BRD1: variants seen among roughly 807,000 people sequenced by gnomAD.
The protein encoded by BRD1 is bromodomain-containing protein 1.
In BRD1, 24 loss-of-function variants were observed where a neutral mutation model predicts 107.7. The observed-to-expected ratio is 0.22, with a 90% CI of 0.16 to 0.31. The LOEUF is 0.31. Among genes scored for constraint, BRD1 ranks in the 10% least tolerant of loss-of-function variants. The pLI, the probability that BRD1 is intolerant of heterozygous loss-of-function variation, is 1.00. For synonymous variants in BRD1, 744 were observed against 686.1 expected, an observed-to-expected ratio of 1.08 and a Z score of -1.32; for missense variants, 1,279 against 1,638.6, an observed-to-expected ratio of 0.78 and a Z score of 3.79.
At chr22:49,818,406 T>C (rs754339337) in intron 2 of BRD1, 14 of 1,117,286 alleles carry the variant, frequency 1.3e-5, no homozygotes, top group Non-Finnish European at 1.6e-5. Context: ...TTAAACAGAT[T>C]ATGCGTGTAT....
chr22:49,800,076 T>C (rs1452909246), intron 3 of BRD1, among the ~76,000 whole-genome samples: 1 of 152,156 alleles, frequency 6.6e-6, no homozygotes, highest in African/African-American at 2.4e-5. Context: ...TTCACAGCCC[T>C]GAGACCCTCC....
At position 49,798,976 on chromosome 22, in the gene BRD1, G is replaced by A; in HGVS notation, c.1656+12C>T. The A allele has an allele frequency of 6.3e-7, 1 of 1,598,868 alleles. No homozygotes were observed. The highest frequency in any genetic ancestry group is 8.5e-7 in the Non-Finnish European group (1 of 1,173,420). On this transcript the variant is annotated intron_variant, in intron 4 of 12. Coordinates refer to ENST00000404760, the MANE Select transcript of BRD1 (RefSeq NM_001304808.3). ...CAGTGGTGCACTCCACGCGGGACAGGCCCAGCCCCACCTGCTCACGCTTGA... is the reference window on the plus strand; with the variant it reads ...CAGTGGTGCACTCCACGCGGGACAGACCCAGCCCCACCTGCTCACGCTTGA...
At chr22:49,826,272 T>C (rs957468811) in intron 1 of BRD1, 1 of 985,110 alleles carries the variant, frequency 1.0e-6, no homozygotes, top group African/African-American at 1.7e-5. Flanking sequence ...ATCGCAACAC[T>C]TTCTACAAGG....
chr22:49,818,973 T>C (rs931898851), intron 2 of BRD1, among the ~76,000 whole-genome samples: 4 of 151,450 alleles, frequency 2.6e-5, no homozygotes, highest in Non-Finnish European at 5.9e-5. Flanking sequence ...AAAGAAAAAA[T>C]AGGGCTGGGT....
At chr22:49,778,230 C>A (rs1392254153) in intron 8 of BRD1, among the ~76,000 whole-genome samples, 12 of 152,116 alleles carry the variant, frequency 7.9e-5, no homozygotes, top group Admixed American at 6.5e-4. Flanking sequence ...TTCACCAGGC[C>A]GAAGGGGCCA....
Position 49,798,081 on chromosome 22 carries a change from C to T in BRD1, c.1822G>A (p.Asp608Asn), listed in dbSNP as rs759063128. The T allele has an allele frequency of 6.2e-7, 1 of 1,613,212 alleles. No individual in the cohort carries two copies. The highest frequency in any genetic ancestry group is 1.7e-5 in the Admixed American group (1 of 59,970). The change falls in exon 6 of 13, where the codon GAC becomes AAC. Residue 608 changes from aspartate to asparagine, a missense_variant. Asp to Asn is a conservative substitution (Grantham distance 23). This residue lies in a region of BRD1 where 406 missense variants were observed against 519.4 expected (regional missense o/e 0.78). Coordinates refer to ENST00000404760, the MANE Select transcript of BRD1 (RefSeq NM_001304808.3). ...AACCGTTTCCTCATTGTGGCAAAGT[C>T]CATGGGATGTTTAATGTGATCCAAA... ...DYLDHIKHPM[D>N]FATMRKRLEA...
At chr22:49,799,351 G>A (rs545847517) in intron 3 of BRD1, among the ~76,000 whole-genome samples, 1 of 152,342 alleles carries the variant, frequency 6.6e-6, no homozygotes, top group Admixed American at 6.5e-5. Flanking sequence ...AGGCCAAGGT[G>A]AGCAGGGGGC....
At chr22:49,787,299 A>ATCCC in intron 8 of BRD1, 91 bp downstream of exon 8, 1 of 544,640 alleles carries the variant, frequency 1.8e-6, no homozygotes, top group Non-Finnish European at 2.9e-6. Flanking sequence ...GAAGCTGGAC[A>ATCCC]CCCCCCCCCC....
chr22:49,785,736 G>C (rs190680975), intron 8 of BRD1, among the ~76,000 whole-genome samples: 61 of 152,338 alleles, frequency 4.0e-4, no homozygotes, highest in Admixed American at 3.3e-3. Context: ...GACATGGGTA[G>C]AAAATTTCTA....
chr22:49,819,895 C>T (rs890236785), intron 2 of BRD1, among the ~76,000 whole-genome samples: 22 of 151,756 alleles, frequency 1.4e-4, no homozygotes, highest in Non-Finnish European at 3.1e-4. Context: ...TTTGGGAGTT[C>T]GAGGCGGGTG....
chr22:49,822,244 G>A (rs2060081498), intron 2 of BRD1, among the ~76,000 whole-genome samples: 1 of 152,190 alleles, frequency 6.6e-6, no homozygotes, highest in African/African-American at 2.4e-5. Flanking sequence ...TGGGCAACAT[G>A]GTGAAACCCC....
Position 49,774,330 on chromosome 22 carries a change from C to T in BRD1, c.3473G>A (p.Ser1158Asn). The T allele has an allele frequency of 6.2e-7, 1 of 1,614,208 alleles. No homozygotes were observed. Among genetic ancestry groups the T allele is most frequent in the Non-Finnish European group, 8.5e-7 (1 of 1,180,028 alleles). ...KLKMMEGRNS[S>N]IRKAVRIAFD... ...AGCGATCCGCACGGCCTTCCGGATG[C>T]TGGAATTCCTCCCTTCCATCATCTT... The change falls in exon 13 of 13, where the codon AGC becomes AAC. Residue 1158 changes from serine (S) to asparagine (N), a missense_variant. Physicochemically the swap from Ser to Asn is conservative, Grantham distance 46. Coordinates refer to ENST00000404760, the MANE Select transcript of BRD1 (RefSeq NM_001304808.3).
rs539688039 is a variant in BRD1, at chr22:49,781,693, A to G, written c.2858-3880T>C. Among the ~76,000 whole-genome samples the G allele has an allele frequency of 7.9e-5, 12 of 152,388 alleles. No individual in the cohort carries two copies. The East Asian group carries it at 2.1e-3, about 27-fold the overall frequency. On this transcript the variant is annotated intron_variant, in intron 8 of 12. Transcript: ENST00000404760. ...TTGGCCGTATGAAGCAGGTGGGCTG[A>G]GCCTGCACCCTGAAGACCAGAGCCC... is the stretch of plus-strand genomic sequence containing the variant.
intron 2 of BRD1, among the ~76,000 whole-genome samples, chr22:49,822,026 G>A (rs1475357613): frequency 2.0e-5 from 3 of 152,268 alleles, no homozygotes; most frequent in African/African-American, 2.4e-5. Flanking sequence ...CCCGATGCCG[G>A]CAGTCACTGG....
Position 49,783,546 on chromosome 22 carries a change from G to A in BRD1, c.2857+3844C>T, listed in dbSNP as rs934739945. On this transcript the variant is annotated intron_variant, in intron 8 of 12. Transcript: ENST00000404760. This position sits in a 1 kb window ranked among gnomAD's most constrained non-coding sequence, Gnocchi z 4.2. ...CCACCAGTCACTATGGGACGGCTCC[G>A]CACATGCTCAGGACAGCCTCAGAAT... 3.9e-5 allele frequency among the ~76,000 whole-genome samples: 6 copies of A among 152,222 alleles called. No individual in the cohort carries two copies. Among genetic ancestry groups the A allele is most frequent in the Admixed American group, 2.0e-4 (3 of 15,280 alleles).
chr22:49,816,677 T>C (rs773397310), intron 2 of BRD1, among the ~76,000 whole-genome samples: 17 of 152,262 alleles, frequency 1.1e-4, no homozygotes, highest in Admixed American at 3.3e-4. Flanking sequence ...GGCAGGAGGA[T>C]TGCTTAAGCC....
chr22:49,804,120 G>A (rs771798487), intron 3 of BRD1, 84 bp downstream of exon 3: 37 of 1,299,486 alleles, frequency 2.8e-5, no homozygotes, highest in South Asian at 9.6e-5. Context: ...GGGCAGCACC[G>A]TGACCAGCCT....
chr22:49,823,745 G>C lies in BRD1; in HGVS notation c.573C>G (p.Asp191Glu). 6.2e-7 allele frequency: 1 copy of C among 1,614,142 alleles called. No homozygotes were observed. Residue 191 changes from aspartate (D) to glutamate (E), a missense_variant, in exon 2 of 13, where the codon GAC (aspartate) becomes GAG (glutamate). Around this residue, in one of 7 missense-constraint regions of BRD1, gnomAD observed 223 missense variants for 263.5 expected, o/e 0.85. Transcript: ENST00000404760. Reference sequence around the variant, plus strand: ...CGCAGTGCGACTCCTTCTCGAAGCGGTCCATCAGGAACTCAAACATGCTCT... The same window carrying C: ...CGCAGTGCGACTCCTTCTCGAAGCGCTCCATCAGGAACTCAAACATGCTCT... The part of the protein sequence containing the change: ...VSQSMFEFLM[D>E]RFEKESHCEN...
intron 3 of BRD1, 86 bp downstream of exon 3, chr22:49,804,118 C>T (rs1347155135): frequency 6.7e-5 from 86 of 1,280,532 alleles, no homozygotes; most frequent in Non-Finnish European, 8.6e-5. Flanking sequence ...GGGGGCAGCA[C>T]CGTGACCAGC....
Sources: gnomAD v4.1 joint callset for allele counts (sites outside exome capture counted in the v4.1 genomes callset) on GRCh38, gnomAD v4.1.1 for gene constraint, gnomAD v4.1.1 regional missense constraint, Gnocchi (gnomAD v3.1) non-coding constraint, MANE v1.5 for transcripts, NCBI Gene and HGNC (gene_info 2026-07-23, HGNC 2026-07-21) for gene names.